Variants in ALPK1 observed in about 807,000 individuals in gnomAD.
ALPK1 encodes alpha-protein kinase 1.
Under a neutral mutation model 120.6 loss-of-function variants are expected in ALPK1, and 110 were observed. That is an observed-to-expected ratio of 0.91 (90% CI 0.78 to 1.07). The LOEUF (loss-of-function observed/expected upper bound fraction) is 1.07. Ranked by LOEUF, ALPK1 falls within the 50% of genes least tolerant of loss-of-function variation. The probability of loss-of-function intolerance (pLI) is 0.00; values close to 1 mark genes in which losing one functional copy is unlikely to be tolerated. For synonymous variants in ALPK1, 582 were observed against 560.3 expected, an observed-to-expected ratio of 1.04 and a Z score of -0.55; for missense variants, 1,498 against 1,483.9, an observed-to-expected ratio of 1.01 and a Z score of -0.16.
At chr4:112,298,738 G>T (rs1192778381) in intron 1 of ALPK1, among the ~76,000 whole-genome samples, 1 of 152,154 alleles carries the variant, frequency 6.6e-6, no homozygotes, top group African/African-American at 2.4e-5. Context: ...GAGCTTTGCT[G>T]ATGTGTTAAG....
At chr4:112,348,608 T>C (rs1185624182) in intron 2 of ALPK1, among the ~76,000 whole-genome samples, 1 of 152,186 alleles carries the variant, frequency 6.6e-6, no homozygotes, top group Non-Finnish European at 1.5e-5. Flanking sequence ...GCCTGCAAAG[T>C]GTGCGGACAT....
At chr4:112,313,753 G>A (rs912617940) in intron 1 of ALPK1, among the ~76,000 whole-genome samples, 2 of 152,094 alleles carry the variant, frequency 1.3e-5, no homozygotes, top group Middle Eastern at 3.2e-3. Flanking sequence ...AGAATTGACG[G>A]CTGGATTTAG....
rs1186439610 is a variant in ALPK1 at position 112,427,570 on chromosome 4, G to A, written c.700G>A (p.Gly234Ser). 1.2e-6 allele frequency: 2 copies of A among 1,612,472 alleles called. No individual in the cohort carries two copies. Among genetic ancestry groups the A allele is most frequent in the Admixed American group, 1.7e-5 (1 of 59,980 alleles). Residue 234 changes from glycine (G) to serine (S), a missense_variant and splice_region_variant, in exon 9 of 16, where the codon GGC becomes AGC. Physicochemically the swap from Gly to Ser is moderately conservative, Grantham distance 56. Transcript: ENST00000650871. ...TGACTTCTTTGTGTTTTTCTTACAG[G>A]GCCTCTCCACGTCGCTAGGTATACT... is the stretch of plus-strand genomic sequence containing the variant. ...YLALPQPDKKGLSTSLGILAD... is the reference protein window; with the variant it reads ...YLALPQPDKKSLSTSLGILAD...
At chr4:112,312,511 A>G (rs1428555466) in intron 1 of ALPK1, among the ~76,000 whole-genome samples, 1 of 152,188 alleles carries the variant, frequency 6.6e-6, no homozygotes, top group Non-Finnish European at 1.5e-5. Context: ...TAACCTCTTC[A>G]TCCGCCCACC....
intron 7 of ALPK1, 179 bp downstream of exon 7, chr4:112,425,930 A>G (rs150206897): frequency 1.0e-5 from 5 of 483,812 alleles, no homozygotes; most frequent in Non-Finnish European, 1.5e-5. Context: ...TATTAATAAA[A>G]TGTGTTTTTT....
chr4:112,299,958 AGGGCTACTAAT>A (rs1471868287), intron 1 of ALPK1, among the ~76,000 whole-genome samples: 1 of 152,152 alleles, frequency 6.6e-6, no homozygotes, highest in Non-Finnish European at 1.5e-5. Context: ...ATCTAGATCA[AGGGCTACTAAT>A]GGGTCATAGT....
At chr4:112,306,716 A>AC (rs1560629542) in intron 1 of ALPK1, among the ~76,000 whole-genome samples, 1 of 151,248 alleles carries the variant, frequency 6.6e-6, no homozygotes. Context: ...GGATTCATTG[A>AC]TTTTTTTGAA....
At chr4:112,349,918 C>T (rs2148710344) in intron 2 of ALPK1, among the ~76,000 whole-genome samples, 1 of 152,274 alleles carries the variant, frequency 6.6e-6, no homozygotes, top group African/African-American at 2.4e-5. Flanking sequence ...AGTATCTAAG[C>T]ATGGTATTTT....
chr4:112,375,071 C>T (rs1304558877), intron 2 of ALPK1, among the ~76,000 whole-genome samples: 1 of 152,172 alleles, frequency 6.6e-6, no homozygotes, highest in African/African-American at 2.4e-5. Context: ...ATTGACTCCT[C>T]CCCTCTAGAT....
intron 3 of ALPK1, 82 bp from the exon 4 acceptor site, chr4:112,382,316 T>C: frequency 1.1e-6 from 1 of 912,622 alleles, no homozygotes; most frequent in South Asian, 1.8e-5. Flanking sequence ...TTTTTGCCAC[T>C]GAGGTGCTTC....
intron 1 of ALPK1, among the ~76,000 whole-genome samples, chr4:112,310,578 A>G (rs1343935455): frequency 2.0e-5 from 3 of 152,080 alleles, no homozygotes; most frequent in African/African-American, 4.8e-5. Flanking sequence ...GATCTAGGTT[A>G]CCTTTATCAA....
chr4:112,356,107 C>T (rs2148713660), intron 2 of ALPK1: 1 of 1,376,632 alleles, frequency 7.3e-7, no homozygotes, highest in Non-Finnish European at 1.0e-6. Flanking sequence ...CTCAGCCACC[C>T]TCTGTGCCCT....
chr4:112,364,278 G>T (rs1397366023), intron 2 of ALPK1, among the ~76,000 whole-genome samples: 1 of 151,380 alleles, frequency 6.6e-6, no homozygotes, highest in African/African-American at 2.4e-5. Context: ...CAAAAAGCTG[G>T]TTCTTTGAGA....
intron 2 of ALPK1, among the ~76,000 whole-genome samples, chr4:112,316,758 T>G (rs1302395752): frequency 1.3e-5 from 2 of 152,174 alleles, no homozygotes. Context: ...TTATTGGCCA[T>G]TTGTATATCT....
At chr4:112,341,755 T>C (rs1191787116) in intron 2 of ALPK1, among the ~76,000 whole-genome samples, 2 of 152,238 alleles carry the variant, frequency 1.3e-5, no homozygotes, top group African/African-American at 4.8e-5. Flanking sequence ...TTGATTCTTT[T>C]CTGAATCCCT....
At chr4:112,357,020 G>T (rs1440838659) in intron 2 of ALPK1, 3 of 792,650 alleles carry the variant, frequency 3.8e-6, no homozygotes, top group African/African-American at 3.4e-5. Flanking sequence ...GCCCCAACCG[G>T]AGTTCAGCGC....
intron 12 of ALPK1, among the ~76,000 whole-genome samples, chr4:112,435,714 A>G (rs1318668299): frequency 1.3e-5 from 2 of 152,248 alleles, no homozygotes; most frequent in Non-Finnish European, 2.9e-5. Flanking sequence ...GAGTCCAGGG[A>G]TGAAGCCTGT....
chr4:112,373,441 G>A (rs1426073797), intron 2 of ALPK1, among the ~76,000 whole-genome samples: 21 of 152,160 alleles, frequency 1.4e-4, no homozygotes, highest in Non-Finnish European at 8.8e-5. Context: ...GAGTTAAAAG[G>A]GACATTGGAA....
intron 2 of ALPK1, chr4:112,356,687 C>T: frequency 1.0e-6 from 1 of 973,066 alleles, no homozygotes; most frequent in Non-Finnish European, 1.6e-6. Context: ...GGAGCAGGAG[C>T]TGGCCAGCCC....
Sources: gnomAD v4.1 joint callset for allele counts (sites outside exome capture counted in the v4.1 genomes callset) on GRCh38, gnomAD v4.1.1 for gene constraint, MANE v1.5 for transcripts, NCBI Gene and HGNC (gene_info 2026-07-23, HGNC 2026-07-21) for gene names.